The following SUPT3H variants were observed in gnomAD, a reference collection of about 807,000 sequenced individuals.
The protein encoded by SUPT3H is SPT3 homolog, SAGA and STAGA complex component.
Under a neutral mutation model 44.3 loss-of-function variants are expected in SUPT3H, and 44 were observed. That is an observed-to-expected ratio of 0.99 (90% CI 0.78 to 1.28). The LOEUF (loss-of-function observed/expected upper bound fraction) is 1.28, where lower values mean the gene tolerates loss of function less well. SUPT3H is among the 50% of genes most tolerant of loss of function. The pLI is 0.00. For missense variants in SUPT3H, 380 were observed against 387.1 expected, an observed-to-expected ratio of 0.98 and a Z score of 0.15; for synonymous variants, 124 against 125.6, an observed-to-expected ratio of 0.99 and a Z score of 0.09.
intron 3 of SUPT3H, 86 bp from the exon 4 acceptor site, chr6:45,020,718 A>G: frequency 1.1e-6 from 1 of 873,494 alleles, no homozygotes; most frequent in Non-Finnish European, 1.7e-6. Context: ...AGATAAATAT[A>G]CTAAGAGTTA....
chr6:45,281,954 C>T (rs1003861168), intron 2 of SUPT3H, among the ~76,000 whole-genome samples: 2 of 152,182 alleles, frequency 1.3e-5, no homozygotes, highest in Non-Finnish European at 2.9e-5. Context: ...CTGCAGCATC[C>T]ACTGCTGATA....
intron 2 of SUPT3H, among the ~76,000 whole-genome samples, chr6:45,117,222 T>G (rs1397136465): frequency 6.6e-6 from 1 of 152,120 alleles, no homozygotes; most frequent in Non-Finnish European, 1.5e-5. Flanking sequence ...AGAGATATCC[T>G]TGAAACAACA....
chr6:45,031,764 G>A (rs997211884), intron 3 of SUPT3H, among the ~76,000 whole-genome samples: 9 of 152,116 alleles, frequency 5.9e-5, no homozygotes, highest in Non-Finnish European at 1.0e-4. Context: ...AAAGAATGGC[G>A]CAACTTGGTA....
chr6:45,186,218 A>T (rs1012983816), intron 2 of SUPT3H, among the ~76,000 whole-genome samples: 5 of 152,156 alleles, frequency 3.3e-5, no homozygotes, highest in South Asian at 2.1e-4. Context: ...GTTACACTTC[A>T]ACAACAACAA....
At chr6:45,237,366 A>C (rs1032942876) in intron 2 of SUPT3H, among the ~76,000 whole-genome samples, 14 of 152,182 alleles carry the variant, frequency 9.2e-5, no homozygotes, top group South Asian at 2.1e-4. Context: ...ATTGTGAAGG[A>C]CCCGATGGAC....
intron 2 of SUPT3H, among the ~76,000 whole-genome samples, chr6:45,340,278 G>A (rs1209656456): frequency 6.6e-6 from 1 of 152,024 alleles, no homozygotes; most frequent in African/African-American, 2.4e-5. Context: ...AAGAGATTAA[G>A]AAAAAATAAA....
chr6:45,197,680 A>C (rs1816293075), intron 2 of SUPT3H: 1 of 320,502 alleles, frequency 3.1e-6, no homozygotes, highest in Admixed American at 4.7e-5. Context: ...TAAAATAAGA[A>C]GATAAAGAGT....
At chr6:44,853,075 T>A (rs1344778336) in intron 10 of SUPT3H, among the ~76,000 whole-genome samples, 2 of 152,218 alleles carry the variant, frequency 1.3e-5, no homozygotes, top group Non-Finnish European at 2.9e-5. Flanking sequence ...AAGCTTTTGT[T>A]TTTTAATTAT....
At chr6:45,322,001 C>A in intron 2 of SUPT3H, 1 of 640,406 alleles carries the variant, frequency 1.6e-6, no homozygotes, top group Non-Finnish European at 2.7e-6. Flanking sequence ...CTCCCAGTTC[C>A]CAAGAAGTTT....
At chr6:45,127,310 T>C (rs1802593235) in intron 2 of SUPT3H, among the ~76,000 whole-genome samples, 1 of 152,060 alleles carries the variant, frequency 6.6e-6, no homozygotes. Flanking sequence ...TGAGAATCCG[T>C]CTCAAAATAA....
At chr6:45,158,213 T>C (rs1583899774) in intron 2 of SUPT3H, among the ~76,000 whole-genome samples, 2 of 120,960 alleles carry the variant, frequency 1.7e-5, no homozygotes, top group Middle Eastern at 4.0e-3. Flanking sequence ...GATAGATAGA[T>C]AGATAGATAG....
At chr6:45,213,473 A>G (rs188826293) in intron 2 of SUPT3H, among the ~76,000 whole-genome samples, 2,672 of 152,300 alleles carry the variant, frequency 0.018, 50 homozygotes, top group South Asian at 0.085. Context: ...GGGAATATAA[A>G]TTAAATAACC....
At chr6:45,281,998 C>G (rs949329360) in intron 2 of SUPT3H, among the ~76,000 whole-genome samples, 1 of 152,172 alleles carries the variant, frequency 6.6e-6, no homozygotes, top group Non-Finnish European at 1.5e-5. Context: ...GGACATCCAG[C>G]AAACTCCAAC....
intron 10 of SUPT3H, among the ~76,000 whole-genome samples, chr6:44,870,772 C>G (rs575090623): frequency 2.0e-5 from 3 of 150,528 alleles, no homozygotes; most frequent in African/African-American, 4.9e-5. Flanking sequence ...AGAGAGTGGG[C>G]GCAGGCCAGT....
chr6:45,050,438 T>C (rs568133131), intron 3 of SUPT3H, among the ~76,000 whole-genome samples: 25 of 127,318 alleles, frequency 2.0e-4, no homozygotes, highest in South Asian at 5.5e-4. Context: ...TACAGAAGCA[T>C]TGAAAGGCAA....
intron 6 of SUPT3H, among the ~76,000 whole-genome samples, chr6:44,994,547 A>G (rs1387367752): frequency 1.3e-5 from 2 of 152,152 alleles, no homozygotes; most frequent in Non-Finnish European, 2.9e-5. Flanking sequence ...ACTCAACTTC[A>G]GGGATGAAGC....
chr6:44,842,354 A>G lies in SUPT3H; in HGVS notation c.913-12497T>C, dbSNP rs116337720. Among the ~76,000 whole-genome samples, 769 of 152,282 alleles carry G rather than the reference A, an allele frequency of 5.0e-3. 11 individuals carry two copies. Among genetic ancestry groups the G allele is most frequent in the African/African-American group, 0.018 (731 of 41,562 alleles). ...ACTTAGATGTCTGTGTGTATCATGT[A>G]TATGTATACATGCATATTGGATTTA... is the stretch of plus-strand genomic sequence containing the variant. On this transcript the variant is annotated intron_variant, in intron 10 of 10. Transcript: ENST00000371459.
At chr6:44,946,528 T>C (rs562579492) in intron 9 of SUPT3H, among the ~76,000 whole-genome samples, 4 of 152,284 alleles carry the variant, frequency 2.6e-5, no homozygotes, top group South Asian at 2.1e-4. Flanking sequence ...CTATCACGAA[T>C]GGCTTTGAGC....
At chr6:45,158,231 G>T (rs1808200281) in intron 2 of SUPT3H, among the ~76,000 whole-genome samples, 1 of 124,672 alleles carries the variant, frequency 8.0e-6, no homozygotes, top group African/African-American at 3.8e-5. Flanking sequence ...TAGATAGATA[G>T]ATAGATAGAT....
Sources: allele counts gnomAD v4.1 joint callset (sites outside exome capture counted in the v4.1 genomes callset), GRCh38; gene constraint gnomAD v4.1.1; transcripts MANE v1.5; gene names NCBI Gene and HGNC (gene_info 2026-07-23, HGNC 2026-07-21).